Variants in FAM149A observed in about 807,000 individuals in gnomAD.
FAM149A encodes the protein protein FAM149A.
Under a neutral mutation model 78.2 loss-of-function variants are expected in FAM149A, and 71 were observed. The ratio of observed to expected loss-of-function variants is 0.91; its 90% CI spans 0.75 to 1.11. The LOEUF (loss-of-function observed/expected upper bound fraction) is 1.11. FAM149A is among the 50% of genes least tolerant of loss of function. The pLI is 0.00. For missense variants in FAM149A, 1,036 were observed against 971.0 expected (o/e 1.07, Z -0.89); for synonymous variants, 446 against 410.5 (o/e 1.09, Z -1.04).
chr4:186,125,146 A>G (rs1228175722), intron 1 of FAM149A: 17 of 502,940 alleles, frequency 3.4e-5, no homozygotes, highest in Non-Finnish European at 4.4e-5. Context: ...TCATGTGTCC[A>G]CAGCCATACA....
At position 186,105,436 on chromosome 4, in the gene FAM149A, T is replaced by C; in HGVS notation, c.360T>C (p.Pro120=). 8.2e-7 allele frequency: 1 copy of C among 1,213,662 alleles called. No homozygotes were observed. Among genetic ancestry groups the C allele is most frequent in the Non-Finnish European group, 1.0e-6 (1 of 957,874 alleles). 75.2% of individuals were successfully genotyped at this position (1,213,662 alleles called of 1,614,324 possible). A position where few individuals can be genotyped will look rare whatever the true frequency, so the allele number is the denominator to read the frequency against. Residue 120 remains proline, a synonymous_variant, in exon 1 of 14, where the codon CCT becomes CCC. Coordinates refer to ENST00000389354, the MANE Select transcript of FAM149A (RefSeq NM_001367768.3). ...CTCCCTCCGGCGGGGGCTGCTCCCC[T>C]GCTCGCCTGGTGGTCCCAGCGCGGC...
intron 8 of FAM149A, chr4:186,158,225 C>T (rs1734228169): frequency 7.9e-7 from 1 of 1,265,058 alleles, no homozygotes; most frequent in Non-Finnish European, 1.0e-6. Flanking sequence ...CTTCACTCGC[C>T]AGACCCAGGC....
intron 1 of FAM149A, chr4:186,109,782 T>G (rs1313962945): frequency 1.0e-6 from 1 of 983,512 alleles, no homozygotes; most frequent in Non-Finnish European, 1.2e-6. Context: ...TGATTCATTA[T>G]ATTTACCATG....
chr4:186,138,211 A>G (rs776593643), intron 1 of FAM149A, among the ~76,000 whole-genome samples: 2 of 151,992 alleles, frequency 1.3e-5, no homozygotes, highest in African/African-American at 2.4e-5. Flanking sequence ...GGTTTTTCAG[A>G]GAAGCAGATC....
chr4:186,125,459 A>C (rs192397161), intron 1 of FAM149A: 1 of 534,058 alleles, frequency 1.9e-6, no homozygotes, highest in Admixed American at 6.4e-5. Context: ...TGATCAGAGC[A>C]CGCTGGGAAG....
At chr4:186,130,653 C>T (rs1228219362) in intron 1 of FAM149A, among the ~76,000 whole-genome samples, 1 of 151,936 alleles carries the variant, frequency 6.6e-6, no homozygotes, top group African/African-American at 2.4e-5. Context: ...GCCACCGTGC[C>T]TGGCCAATTA....
chr4:186,149,031 T>TGTGTGTGTGTGCGC (rs776191178), intron 1 of FAM149A, 142 bp from the exon 2 acceptor site: 6 of 339,700 alleles, frequency 1.8e-5, no homozygotes, highest in African/African-American at 1.4e-4. Context: ...TGTGTGTGTG[T>TGTGTGTGTGTGCGC]GCGCTCATGC....
intron 6 of FAM149A, 142 bp downstream of exon 6, chr4:186,154,780 C>T: frequency 2.1e-6 from 3 of 1,412,866 alleles, no homozygotes; most frequent in Non-Finnish European, 2.8e-6. Flanking sequence ...TAATGTACTC[C>T]CCAGAGCTTT....
At chr4:186,163,684 G>C (rs1734795818) in intron 10 of FAM149A, 51 bp downstream of exon 10, 2 of 1,359,200 alleles carry the variant, frequency 1.5e-6, no homozygotes, top group African/African-American at 1.4e-5. Flanking sequence ...GGACCTAGAT[G>C]CTTCTCAGTT....
chr4:186,149,291 T>C lies in FAM149A; in HGVS notation c.677+8T>C. 1 of 1,279,486 alleles carries C rather than the reference T, an allele frequency of 7.8e-7. No homozygotes were observed. The highest frequency in any genetic ancestry group is 1.3e-5 in the South Asian group (1 of 77,784). 79.3% of individuals were successfully genotyped at this position (1,279,486 alleles called of 1,614,324 possible). A position where few individuals can be genotyped will look rare whatever the true frequency, so the allele number is the denominator to read the frequency against. Reference sequence around the variant, plus strand: ...CATTGATAAATATACCTGGTAAGAATTCACCTTGCTTCAGATTACAAAATC... The same window carrying C: ...CATTGATAAATATACCTGGTAAGAACTCACCTTGCTTCAGATTACAAAATC... On this transcript the variant is annotated splice_region_variant and intron_variant, in intron 2 of 13. Transcript: ENST00000389354.
Position 186,174,285 on chromosome 4 carries a change from A to C in FAM149A, c.*2298A>C, listed in dbSNP as rs1735660019. Among the ~76,000 whole-genome samples, 1 of 109,408 alleles carries C rather than the reference A, an allele frequency of 9.1e-6. No individual in the cohort carries two copies. The allele number at this position is 109,408 out of a possible 152,430, so 71.8% of individuals were successfully genotyped here. On this transcript the variant is annotated 3_prime_UTR_variant, in exon 14 of 14. Coordinates refer to ENST00000389354, the MANE Select transcript of FAM149A (RefSeq NM_001367768.3). ...GTGTGTGCTGTTCCCCTCTGTGTCC[A>C]TGTGTTCTCATCATTTAGCTCCCAC...
intron 1 of FAM149A, chr4:186,109,143 G>A (rs1200743172): frequency 5.1e-6 from 5 of 985,078 alleles, no homozygotes; most frequent in Admixed American, 6.2e-5. Flanking sequence ...CACCGCGCCC[G>A]GCCGGTCTTA....
At chr4:186,123,991 T>C (rs2099317169) in intron 1 of FAM149A, 1 of 985,240 alleles carries the variant, frequency 1.0e-6, no homozygotes, top group South Asian at 4.7e-5. Flanking sequence ...AATTTTCTAA[T>C]GTGTGAAAGA....
At chr4:186,151,438 C>T (rs1482965320) in intron 3 of FAM149A, among the ~76,000 whole-genome samples, 1 of 152,066 alleles carries the variant, frequency 6.6e-6, no homozygotes, top group Non-Finnish European at 1.5e-5. Context: ...AGATTAATGG[C>T]CTTTTCTACA....
At chr4:186,167,294 T>C in intron 13 of FAM149A, 32 bp downstream of exon 13, 1 of 1,552,126 alleles carries the variant, frequency 6.4e-7, no homozygotes, top group South Asian at 1.1e-5. Flanking sequence ...AATAAAGTGA[T>C]GTAGTAAGTG....
Position 186,130,293 on chromosome 4 carries a change from C to CTCTCTCTCTCTCTCTATATATA in FAM149A, c.567-18879_567-18878insCTCTCTCTCTCTCTATATATAT. On this transcript the variant is annotated intron_variant, in intron 1 of 13. Coordinates refer to ENST00000389354, the MANE Select transcript of FAM149A (RefSeq NM_001367768.3). ...TCTCTCTCTCTCTCTCTCTCTCTCTCTATATATATATATATATATATAATC... is the reference window on the plus strand; with the variant it reads ...TCTCTCTCTCTCTCTCTCTCTCTCTCTCTCTCTCTCTCTCTATATATATATATATATATATATATATATAATC... 119 of 46,546 alleles carry CTCTCTCTCTCTCTCTATATATA rather than the reference C, an allele frequency of 2.6e-3. 1 individual carries two copies. The highest frequency in any genetic ancestry group is 0.01 in the East Asian group (13 of 1,298). 2.9% of individuals were successfully genotyped at this position (46,546 alleles called of 1,614,324 possible).
chr4:186,169,051 G>A (rs536141106), intron 13 of FAM149A: 2 of 275,692 alleles, frequency 7.3e-6, no homozygotes, highest in Admixed American at 1.3e-4. Flanking sequence ...TGGGGATGCT[G>A]ACTACAGCAC....
At chr4:186,150,565 GC>G (rs1164550389) in intron 3 of FAM149A, among the ~76,000 whole-genome samples, 1 of 87,784 alleles carries the variant, frequency 1.1e-5, no homozygotes, top group African/African-American at 4.2e-5. Context: ...GACCACAGGC[GC>G]CCACCACCAC....
intron 1 of FAM149A, chr4:186,122,818 A>T (rs975797429): frequency 1.5e-6 from 1 of 665,156 alleles, no homozygotes; most frequent in African/African-American, 1.9e-5. Context: ...GAAACAAAAG[A>T]TCGTAAGTAA....
Sources: gnomAD v4.1 joint callset for allele counts (sites outside exome capture counted in the v4.1 genomes callset) on GRCh38, gnomAD v4.1.1 for gene constraint, MANE v1.5 for transcripts, NCBI Gene and HGNC (gene_info 2026-07-23, HGNC 2026-07-21) for gene names.